TGM1: variants seen among roughly 807,000 people sequenced by gnomAD.
TGM1 encodes transglutaminase 1.
TGM1 carries 63 observed loss-of-function variants against 88.7 expected under a neutral mutation model. The observed-to-expected ratio is 0.71, with a 90% CI of 0.58 to 0.88. TGM1 has a LOEUF of 0.88. TGM1 is among the 40% of genes least tolerant of loss of function. TGM1 has a pLI of 0.00. For missense variants in TGM1, 996 were observed against 1,118.0 expected, an observed-to-expected ratio of 0.89 and a Z score of 1.56; for synonymous variants, 415 against 431.1, an observed-to-expected ratio of 0.96 and a Z score of 0.46.
Position 24,255,216 on chromosome 14 carries a change from T to A in TGM1, c.1683A>T (p.Ala561=), listed in dbSNP as rs760229890. 3.7e-6 allele frequency: 6 copies of A among 1,613,914 alleles called. No homozygotes were observed. The highest frequency in any genetic ancestry group is 4.2e-6 in the Non-Finnish European group (5 of 1,180,040). ...ACACATTGGGTTTGCTGCCGTGGGCTGCTGCTGTCTCTACTGCCTTCCGCT... is the reference window on the plus strand; with the variant it reads ...ACACATTGGGTTTGCTGCCGTGGGCAGCTGCTGTCTCTACTGCCTTCCGCT... ...DAERKAVETA[A]AHGSKPNVYA... Residue 561 remains alanine, a synonymous_variant, in exon 12 of 15, where the codon GCA becomes GCT. Transcript: ENST00000206765. The surrounding 1 kb of genome is among the most constrained non-coding windows in gnomAD (Gnocchi z 4.0).
At chr14:24,256,732 A>C (rs2040754686) in intron 9 of TGM1, among the ~76,000 whole-genome samples, 1 of 152,196 alleles carries the variant, frequency 6.6e-6, no homozygotes, top group Admixed American at 6.5e-5. Context: ...ACCGGAAAGA[A>C]TCTTAGACAA....
In TGM1 at chr14:24,262,221, C is replaced by T. The variant is rs886039654; in HGVS notation, c.132G>A (p.Trp44Ter). The T allele has an allele frequency of 6.2e-7, 1 of 1,613,882 alleles. No individual in the cohort carries two copies. Among genetic ancestry groups the T allele is most frequent in the South Asian group, 1.1e-5 (1 of 91,084 alleles). The part of the protein sequence containing the change: ...RSRRGGGRSF[W>*]ARCCGCCSCR... The stretch of plus-strand genomic sequence containing the variant: ...ATGAACAGCAGCCACAGCAGCGAGC[C>T]CAGAAGGAACGGCCTCCTCCTCTGC... Residue 44 changes from tryptophan to a stop codon, truncating the protein, a stop_gained, in exon 2 of 15, where the codon TGG becomes TGA. Transcript: ENST00000206765. LOFTEE classifies it high-confidence loss of function.
rs999748414 is a variant in TGM1, at chr14:24,255,802, C to T, written c.1491+187G>A. On this transcript the variant is annotated intron_variant, in intron 10 of 14. Transcript: ENST00000206765. This position sits in a 1 kb window ranked among gnomAD's most constrained non-coding sequence, Gnocchi z 4.0. ...ACGACTAGTGAAGCAGTTTCATACC[C>T]GTTATCTCTTCTGATCCCGAGTATA... 3.3e-5 allele frequency among the ~76,000 whole-genome samples: 5 copies of T among 152,186 alleles called. No homozygotes were observed. The highest frequency in any genetic ancestry group is 5.9e-5 in the Non-Finnish European group (4 of 68,030).
At position 24,254,812 on chromosome 14, in the gene TGM1, G is replaced by C. The variant is rs778371971; in HGVS notation, c.1940C>G (p.Thr647Ser). ...ELAPGASDRV[T>S]MPVAYKEYRP... is the part of the protein sequence containing the mutation. Reference sequence around the variant, plus strand: ...GTATTCCTTGTAGGCCACTGGCATGGTCACACGGTCCGCTGTGGAGAAGAG... The same window carrying C: ...GTATTCCTTGTAGGCCACTGGCATGCTCACACGGTCCGCTGTGGAGAAGAG... Residue 647 changes from threonine (T) to serine (S), a missense_variant, in exon 13 of 15, where the codon ACC (threonine) becomes AGC (serine). Thr to Ser is a moderately conservative substitution (Grantham distance 58). Transcript: ENST00000206765. 3.7e-6 allele frequency: 6 copies of C among 1,613,736 alleles called. No homozygotes were observed. The highest frequency in any genetic ancestry group is 5.1e-6 in the Non-Finnish European group (6 of 1,180,036).
At position 24,251,565 on chromosome 14, in the gene TGM1, C is replaced by T. The variant is rs1021337205; in HGVS notation, c.2226-2024G>A. 1.8e-4 allele frequency among the ~76,000 whole-genome samples: 27 copies of T among 152,218 alleles called. 1 individual carries two copies. The highest frequency in any genetic ancestry group is 1.6e-3 in the Admixed American group (25 of 15,280). ...TGCTAAAGCTGGGATGTTCCTGGAA[C>T]TGAGTGTGGGTCATGAAACCAACTC... On this transcript the variant is annotated intron_variant, in intron 14 of 14. Coordinates refer to ENST00000206765, the MANE Select transcript of TGM1 (RefSeq NM_000359.3).
Position 24,249,346 on chromosome 14 carries a change from C to G in TGM1, c.2421G>C (p.Glu807Asp). Reference protein sequence around the residue: ...SDAGGDSHLGETIPMASRGGA With the variant: ...SDAGGDSHLGDTIPMASRGGA ...CACCTCGAGATGCCATAGGGATGGTCTCTCCTAAGTGACTGTCACCTCCAG... is the reference window on the plus strand; with the variant it reads ...CACCTCGAGATGCCATAGGGATGGTGTCTCCTAAGTGACTGTCACCTCCAG... The change falls in exon 15 of 15, where the codon GAG (glutamate) becomes GAC (aspartate). Residue 807 changes from glutamate to aspartate, a missense_variant. Transcript: ENST00000206765. 1 of 1,613,952 alleles carries G rather than the reference C, an allele frequency of 6.2e-7. No individual in the cohort carries two copies. Among genetic ancestry groups the G allele is most frequent in the Non-Finnish European group, 8.5e-7 (1 of 1,180,016 alleles).
intron 14 of TGM1, among the ~76,000 whole-genome samples, chr14:24,253,241 A>G (rs1336690139): frequency 6.6e-6 from 1 of 152,234 alleles, no homozygotes; most frequent in Non-Finnish European, 1.5e-5. Context: ...AATAAAAATA[A>G]CAACTACCAA....
At position 24,259,770 on chromosome 14, in the gene TGM1, G is replaced by A. The variant is rs767547778; in HGVS notation, c.918C>T (p.Asp306=). ...GVLDACLYIL[D]RRGMPYGGRG... is the part of the protein sequence containing the mutation. ...GGCCTCCATATGGCATCCCCCGCCG[G>A]TCCAGGATGTATAAGCAGGCATCCA... Residue 306 remains aspartate (D), a synonymous_variant, in exon 6 of 15, where the codon GAC becomes GAT. Coordinates refer to ENST00000206765, the MANE Select transcript of TGM1 (RefSeq NM_000359.3). This position sits in a 1 kb window ranked among gnomAD's most constrained non-coding sequence, Gnocchi z 5.7. 6.8e-6 allele frequency: 11 copies of A among 1,613,272 alleles called. No individual in the cohort carries two copies. The highest frequency in any genetic ancestry group is 6.6e-5 in the South Asian group (6 of 91,020).
At chr14:24,249,592 G>A (rs1156815919) in intron 14 of TGM1, 51 bp from the exon 15 acceptor site, 9 of 1,521,894 alleles carry the variant, frequency 5.9e-6, no homozygotes, top group Non-Finnish European at 8.1e-6. Flanking sequence ...GGTGGAGTGG[G>A]GAGTAAGAGC....
At chr14:24,262,757 G>A (rs1296429996) in intron 1 of TGM1, among the ~76,000 whole-genome samples, 1 of 152,202 alleles carries the variant, frequency 6.6e-6, no homozygotes, top group East Asian at 1.9e-4. Flanking sequence ...CAGTCTAGAG[G>A]TGCACAACAC....
intron 14 of TGM1, among the ~76,000 whole-genome samples, chr14:24,252,887 C>T (rs2040713442): frequency 6.6e-6 from 1 of 152,238 alleles, no homozygotes; most frequent in Non-Finnish European, 1.5e-5. Context: ...TCTGCTTTCC[C>T]TCCGTGCTTT....
At chr14:24,258,960 C>A in intron 7 of TGM1, 115 bp downstream of exon 7, 1 of 1,250,434 alleles carries the variant, frequency 8.0e-7, no homozygotes, top group South Asian at 1.3e-5. Flanking sequence ...AGCCTATTAC[C>A]CACCCCCGCC....
intron 4 of TGM1, 35 bp downstream of exon 4, chr14:24,260,415 C>T (rs200316503): frequency 1.2e-6 from 2 of 1,613,694 alleles, no homozygotes; most frequent in Admixed American, 3.3e-5. Context: ...TCTTTCCCTC[C>T]CATCTACCCT....
At position 24,254,650 on chromosome 14, in the gene TGM1, C is replaced by A. The variant is rs201660106; in HGVS notation, c.2088+14G>T. ...TCTCTGACCACCCCTCATGCCCCAG[C>A]AAACTGCATTCACCGTGAGGGAGAG... On this transcript the variant is annotated intron_variant, in intron 13 of 14. Coordinates refer to ENST00000206765, the MANE Select transcript of TGM1 (RefSeq NM_000359.3). 9.3e-4 allele frequency: 1,507 copies of A among 1,613,566 alleles called. 4 individuals carry two copies. Among genetic ancestry groups the A allele is most frequent in the Non-Finnish European group, 1.2e-3 (1,442 of 1,180,038 alleles).
chr14:24,255,475 T>C lies in TGM1; in HGVS notation c.1534A>G (p.Ser512Gly). ...KVYWQRQDDG[S>G]FKIVYVEEKA... ...TCCTCCACATAAACAATCTTGAAGC[T>C]GCCATCATCCTGCCGCTGCCAGTAC... The change falls in exon 11 of 15, where the codon AGC becomes GGC. Residue 512 changes from serine to glycine, a missense_variant. Transcript: ENST00000206765. This position sits in a 1 kb window ranked among gnomAD's most constrained non-coding sequence, Gnocchi z 4.0. The C allele has an allele frequency of 6.2e-7, 1 of 1,614,040 alleles. No homozygotes were observed. Among genetic ancestry groups the C allele is most frequent in the Middle Eastern group, 1.7e-4 (1 of 5,970 alleles).
chr14:24,262,151 A>C lies in TGM1; in HGVS notation c.202T>G (p.Ser68Ala), dbSNP rs778749307. 22 of 1,613,492 alleles carry C rather than the reference A, an allele frequency of 1.4e-5. No homozygotes were observed. The highest frequency in any genetic ancestry group is 1.8e-5 in the Non-Finnish European group (21 of 1,180,028). The change falls in exon 2 of 15, where the codon TCC becomes GCC. Residue 68 changes from serine to alanine, a missense_variant. Ser to Ala is a moderately conservative substitution (Grantham distance 99). Transcript: ENST00000206765. ...DDDWGPEPSDSRGRGSSSGTR... is the reference protein window; with the variant it reads ...DDDWGPEPSDARGRGSSSGTR... The stretch of plus-strand genomic sequence containing the variant: ...CCAGAGCTGGACCCTCGACCCCTGG[A>C]GTCAGAGGGTTCAGGTCCCCAGTCG...
chr14:24,250,213 A>G (rs1224283005), intron 14 of TGM1, among the ~76,000 whole-genome samples: 1 of 151,208 alleles, frequency 6.6e-6, no homozygotes, highest in East Asian at 2.0e-4. Context: ...ACAAACACAC[A>G]CACACACACA....
At chr14:24,250,635 G>A (rs2040693876) in intron 14 of TGM1, among the ~76,000 whole-genome samples, 1 of 152,156 alleles carries the variant, frequency 6.6e-6, no homozygotes, top group Non-Finnish European at 1.5e-5. Flanking sequence ...TCCTTGTGAA[G>A]GCCTACTTTT....
At chr14:24,252,350 G>A (rs888124487) in intron 14 of TGM1, among the ~76,000 whole-genome samples, 1 of 152,196 alleles carries the variant, frequency 6.6e-6, no homozygotes, top group Non-Finnish European at 1.5e-5. Flanking sequence ...CAGGAAACAG[G>A]TCCCCCAACA....
Sources: allele counts gnomAD v4.1 joint callset (sites outside exome capture counted in the v4.1 genomes callset), GRCh38; gene constraint gnomAD v4.1.1; non-coding constraint Gnocchi (gnomAD v3.1); transcripts MANE v1.5; gene names NCBI Gene and HGNC (gene_info 2026-07-23, HGNC 2026-07-21).